The following SMCO2 variants were observed in gnomAD, a reference collection of about 807,000 sequenced individuals.
The protein encoded by SMCO2 is single-pass membrane protein with coiled-coil domains 2.
Under a neutral mutation model 29.5 loss-of-function variants are expected in SMCO2, and 25 were observed. The observed-to-expected ratio is 0.85, with a 90% CI of 0.62 to 1.18. The LOEUF (loss-of-function observed/expected upper bound fraction) is 1.18, where lower values mean the gene tolerates loss of function less well. Ranked by LOEUF, SMCO2 falls within the 50% of genes most tolerant of loss-of-function variation. The pLI, the probability that SMCO2 is intolerant of heterozygous loss-of-function variation, is 0.00. For missense variants in SMCO2, 348 were observed against 344.5 expected (o/e 1.01, Z -0.08); for synonymous variants, 117 against 123.3 (o/e 0.95, Z 0.34).
chr12:27,491,609 T>C (rs1021043557), intron 5 of SMCO2, among the ~76,000 whole-genome samples: 2 of 152,138 alleles, frequency 1.3e-5, no homozygotes, highest in African/African-American at 4.8e-5. Flanking sequence ...GTAAATATTC[T>C]TGTTACTTGT....
rs144753444 is a variant in SMCO2, at chr12:27,489,968, A to C, written c.450+1421A>C. On this transcript the variant is annotated intron_variant, in intron 5 of 7. Transcript: ENST00000298876. ...ACATAAATGAAAGTGAGATTTTTTT[A>C]AAGGGAGGAGTTTGGAATAATATGC... Among the ~76,000 whole-genome samples, 707 of 152,308 alleles carry C rather than the reference A, an allele frequency of 4.6e-3. 2 individuals carry two copies. The highest frequency in any genetic ancestry group is 7.2e-3 in the Non-Finnish European group (492 of 68,014).
the SMCO2 span, among the ~76,000 whole-genome samples, chr12:27,440,993 C>T: frequency 6.6e-6 from 1 of 152,150 alleles, no homozygotes; most frequent in African/African-American, 2.4e-5. Flanking sequence ...GATGGTGGCT[C>T]ATGCCTATAA....
the SMCO2 span, among the ~76,000 whole-genome samples, chr12:27,443,708 T>A: frequency 6.6e-6 from 1 of 152,142 alleles, no homozygotes; most frequent in Non-Finnish European, 1.5e-5. Flanking sequence ...AGTATTTATA[T>A]ATGCCACCAG....
At chr12:27,479,300 GC>G (rs1040410626) in intron 4 of SMCO2, among the ~76,000 whole-genome samples, 5 of 152,200 alleles carry the variant, frequency 3.3e-5, no homozygotes, top group Admixed American at 3.3e-4. Context: ...TGCTCCTCAG[GC>G]CCCTGGGTGG....
the SMCO2 span, among the ~76,000 whole-genome samples, chr12:27,459,072 A>G: frequency 6.6e-6 from 1 of 150,996 alleles, no homozygotes; most frequent in East Asian, 2.0e-4. Context: ...CTGTAGTCCC[A>G]GCTACTCGGG....
the SMCO2 span, among the ~76,000 whole-genome samples, chr12:27,460,386 A>G: frequency 6.6e-6 from 1 of 152,246 alleles, no homozygotes; most frequent in African/African-American, 2.4e-5. Flanking sequence ...CAATTACATA[A>G]TCAGTAAATT....
At chr12:27,450,172 G>A in the SMCO2 span, among the ~76,000 whole-genome samples, 8 of 152,170 alleles carry the variant, frequency 5.3e-5, no homozygotes, top group Non-Finnish European at 1.2e-4. Flanking sequence ...GTCCTGTTCT[G>A]AGGGTCACAC....
chr12:27,452,218 A>G, the SMCO2 span, among the ~76,000 whole-genome samples: 9 of 152,304 alleles, frequency 5.9e-5, no homozygotes, highest in South Asian at 2.1e-4. Context: ...TTTTGTATCA[A>G]TTGTACAAGT....
At chr12:27,493,723 G>A (rs1318007770) in intron 5 of SMCO2, 1 of 152,156 alleles carries the variant, frequency 6.6e-6, no homozygotes, top group Non-Finnish European at 1.5e-5. Context: ...CGTGTTAGAA[G>A]GTGATGGTTT....
chr12:27,460,677 C>T, the SMCO2 span, among the ~76,000 whole-genome samples: 1 of 151,968 alleles, frequency 6.6e-6, no homozygotes, highest in African/African-American at 2.4e-5. Context: ...CAGGCACACT[C>T]GGGGTAACTT....
the SMCO2 span, among the ~76,000 whole-genome samples, chr12:27,455,680 C>T: frequency 6.6e-6 from 1 of 152,106 alleles, no homozygotes. Context: ...TTCATTGTAG[C>T]ATTATATGTG....
At chr12:27,479,182 C>T (rs1005746097) in intron 4 of SMCO2, among the ~76,000 whole-genome samples, 6 of 152,062 alleles carry the variant, frequency 3.9e-5, no homozygotes, top group African/African-American at 1.4e-4. Flanking sequence ...GTCATCAGGT[C>T]CCCTGATGGT....
At chr12:27,440,961 TA>T in the SMCO2 span, among the ~76,000 whole-genome samples, 3 of 152,066 alleles carry the variant, frequency 2.0e-5, no homozygotes, top group Admixed American at 2.0e-4. Flanking sequence ...ATTCTCTAAT[TA>T]AAAGGCATAG....
At chr12:27,472,972 T>C in intron 3 of SMCO2, 97 bp downstream of exon 3, 11 of 882,796 alleles carry the variant, frequency 1.2e-5, no homozygotes, top group Middle Eastern at 2.2e-4. Context: ...TAAGAAAATA[T>C]CTGAGGGTTT....
chr12:27,495,808 C>T, exon 7 of SMCO2: 1 of 1,533,666 alleles, frequency 6.5e-7, no homozygotes, highest in African/African-American at 1.4e-5. Flanking sequence ...TTCCTCAGGC[C>T]CCAGCATCCT....
At chr12:27,486,328 G>A (rs934715237) in intron 4 of SMCO2, among the ~76,000 whole-genome samples, 4 of 152,046 alleles carry the variant, frequency 2.6e-5, no homozygotes, top group African/African-American at 7.2e-5. Context: ...CTCAACTCAC[G>A]GAGACCACCA....
chr12:27,476,274 C>G (rs1949585513), intron 4 of SMCO2, among the ~76,000 whole-genome samples: 1 of 152,010 alleles, frequency 6.6e-6, no homozygotes, highest in Admixed American at 6.6e-5. Flanking sequence ...GTATTGTGGC[C>G]TAACATATGG....
intron 2 of SMCO2, among the ~76,000 whole-genome samples, chr12:27,472,396 C>T (rs574852479): frequency 3.9e-5 from 6 of 152,210 alleles, no homozygotes; most frequent in African/African-American, 1.4e-4. Flanking sequence ...CACTGTAGAC[C>T]TACTCCTCTC....
the SMCO2 span, among the ~76,000 whole-genome samples, chr12:27,433,899 G>A: frequency 0.02 from 3,088 of 152,246 alleles, 110 homozygotes; most frequent in African/African-American, 0.071. Context: ...TGCCCTGAAC[G>A]TGCAAGATTG....
Sources: gnomAD v4.1 joint callset for allele counts (sites outside exome capture counted in the v4.1 genomes callset) on GRCh38, gnomAD v4.1.1 for gene constraint, MANE v1.5 for transcripts, NCBI Gene and HGNC (gene_info 2026-07-23, HGNC 2026-07-21) for gene names.